Variants in TENM3 observed in about 807,000 individuals in gnomAD.
TENM3 encodes the protein teneurin-3.
In TENM3, 63 loss-of-function variants were observed where a neutral mutation model predicts 255.1. The ratio of observed to expected loss-of-function variants is 0.25; its 90% CI spans 0.20 to 0.30. The LOEUF (loss-of-function observed/expected upper bound fraction) is 0.30. TENM3 is among the 10% of genes least tolerant of loss of function. The pLI, the probability that TENM3 is intolerant of heterozygous loss-of-function variation, is 1.00. For missense variants in TENM3, 2,929 were observed against 3,461.1 expected, an observed-to-expected ratio of 0.85 and a Z score of 3.86; for synonymous variants, 1,306 against 1,322.3, an observed-to-expected ratio of 0.99 and a Z score of 0.27.
the TENM3 span, among the ~76,000 whole-genome samples, chr4:181,910,170 C>G: frequency 6.6e-5 from 10 of 152,188 alleles, no homozygotes; most frequent in Admixed American, 2.6e-4. Context: ...AGAATATATC[C>G]ATGCATATAT....
intron 2 of TENM3, among the ~76,000 whole-genome samples, chr4:182,332,024 T>A (rs1763790318): frequency 6.6e-6 from 1 of 152,160 alleles, no homozygotes; most frequent in Non-Finnish European, 1.5e-5. Flanking sequence ...AATTTATAAC[T>A]GTCAGAAATG....
chr4:181,706,604 G>T, the TENM3 span, among the ~76,000 whole-genome samples: 2 of 152,084 alleles, frequency 1.3e-5, no homozygotes, highest in African/African-American at 4.8e-5. Context: ...AAATATTAAA[G>T]TACTTTTTAA....
intron 2 of TENM3, among the ~76,000 whole-genome samples, chr4:182,343,190 G>C (rs896108012): frequency 6.6e-6 from 1 of 151,984 alleles, no homozygotes; most frequent in South Asian, 2.1e-4. Context: ...AATATAATCC[G>C]AGCTAACCTT....
intron 5 of TENM3, among the ~76,000 whole-genome samples, chr4:182,639,962 C>T (rs1239275777): frequency 1.3e-5 from 2 of 152,100 alleles, no homozygotes; most frequent in Non-Finnish European, 2.9e-5. Flanking sequence ...TGGTGGCGCG[C>T]ACCTGTAGTC....
the TENM3 span, among the ~76,000 whole-genome samples, chr4:181,543,551 AC>A: frequency 8.6e-3 from 1,308 of 152,272 alleles, 20 homozygotes; most frequent in African/African-American, 0.03. Flanking sequence ...CTTGTCTTGC[AC>A]CGTGCTTTTC....
At chr4:182,766,043 A>G (rs1561221073) in intron 22 of TENM3, among the ~76,000 whole-genome samples, 1 of 152,198 alleles carries the variant, frequency 6.6e-6, no homozygotes, top group East Asian at 1.9e-4. Flanking sequence ...TGTGCCACCT[A>G]CTTTTTAAAA....
intron 2 of TENM3, among the ~76,000 whole-genome samples, chr4:182,338,718 C>T (rs28708935): frequency 0.18 from 27,226 of 151,968 alleles, 2,777 homozygotes; most frequent in East Asian, 0.36. Flanking sequence ...CCATTTTATC[C>T]TGCTTTGGAT....
chr4:182,083,016 T>A, the TENM3 span, among the ~76,000 whole-genome samples: 1 of 152,178 alleles, frequency 6.6e-6, no homozygotes, highest in Non-Finnish European at 1.5e-5. Context: ...ATGGGGAACA[T>A]TAGTAGCTGG....
At chr4:181,456,619 G>T in the TENM3 span, among the ~76,000 whole-genome samples, 9 of 151,818 alleles carry the variant, frequency 5.9e-5, no homozygotes, top group Non-Finnish European at 1.5e-5. Flanking sequence ...GTGGAGATGG[G>T]CAATACTGGT....
intron 12 of TENM3, among the ~76,000 whole-genome samples, chr4:182,690,557 T>C (rs1420923390): frequency 2.6e-5 from 4 of 152,146 alleles, no homozygotes; most frequent in Non-Finnish European, 1.5e-5. Context: ...GAGTTGAGTC[T>C]AGCTGAGGGA....
At chr4:182,116,147 C>T in the TENM3 span, among the ~76,000 whole-genome samples, 1 of 152,184 alleles carries the variant, frequency 6.6e-6, no homozygotes, top group East Asian at 1.9e-4. Flanking sequence ...GTAGAACACA[C>T]AGAAGAGTTT....
chr4:182,032,282 G>C, the TENM3 span, among the ~76,000 whole-genome samples: 1 of 152,096 alleles, frequency 6.6e-6, no homozygotes, highest in Non-Finnish European at 1.5e-5. Flanking sequence ...TTTATCAAAG[G>C]CTTTTTCTAC....
At chr4:181,646,320 C>A in the TENM3 span, among the ~76,000 whole-genome samples, 1 of 152,084 alleles carries the variant, frequency 6.6e-6, no homozygotes, top group Non-Finnish European at 1.5e-5. Flanking sequence ...ATCTCAAGAA[C>A]AAAAGACAGG....
At chr4:182,582,734 A>G (rs1420322122) in intron 3 of TENM3, among the ~76,000 whole-genome samples, 1 of 152,196 alleles carries the variant, frequency 6.6e-6, no homozygotes, top group Non-Finnish European at 1.5e-5. Flanking sequence ...ACGTGTTAGA[A>G]TGCTTTAAAA....
At chr4:182,427,528 G>A (rs376480171) in intron 3 of TENM3, among the ~76,000 whole-genome samples, 10 of 152,122 alleles carry the variant, frequency 6.6e-5, no homozygotes, top group African/African-American at 2.2e-4. Context: ...ACTGAAAAAT[G>A]CTCTCCTTCC....
chr4:181,598,521 T>C, the TENM3 span, among the ~76,000 whole-genome samples: 1 of 152,152 alleles, frequency 6.6e-6, no homozygotes, highest in Non-Finnish European at 1.5e-5. Context: ...AGAATATTTT[T>C]AAAGGATTTT....
intron 3 of TENM3, among the ~76,000 whole-genome samples, chr4:182,485,950 C>T (rs1457300): frequency 0.68 from 103,001 of 151,978 alleles, 37,434 homozygotes; most frequent in East Asian, 0.92. Flanking sequence ...CTATAGAGAC[C>T]TACTGGAGGA....
At chr4:182,388,280 C>G (rs1159497095) in intron 3 of TENM3, among the ~76,000 whole-genome samples, 1 of 152,138 alleles carries the variant, frequency 6.6e-6, no homozygotes, top group Non-Finnish European at 1.5e-5. Context: ...CTCTGCCTGG[C>G]CTCATCAAGA....
At chr4:182,440,094 T>A (rs1772346357) in intron 3 of TENM3, among the ~76,000 whole-genome samples, 1 of 147,862 alleles carries the variant, frequency 6.8e-6, no homozygotes, top group Non-Finnish European at 1.5e-5. Context: ...TTCTTCCAGC[T>A]GCAAACTCCT....
Sources: gnomAD v4.1 joint callset for allele counts (sites outside exome capture counted in the v4.1 genomes callset) on GRCh38, gnomAD v4.1.1 for gene constraint, MANE v1.5 for transcripts, NCBI Gene and HGNC (gene_info 2026-07-23, HGNC 2026-07-21) for gene names.